RANBP2: variants seen among roughly 807,000 people sequenced by gnomAD.
RANBP2 encodes the protein E3 SUMO-protein ligase RanBP2.
A neutral mutation model predicts 303.6 loss-of-function variants in RANBP2; 57 were observed. The ratio of observed to expected loss-of-function variants is 0.19; its 90% CI spans 0.15 to 0.23. The LOEUF (loss-of-function observed/expected upper bound fraction) is 0.23, where lower values mean the gene tolerates loss of function less well. Among genes scored for constraint, RANBP2 ranks in the 10% least tolerant of loss-of-function variants. RANBP2 has a pLI of 1.00. For synonymous variants in RANBP2, 1,167 were observed against 1,301.5 expected (o/e 0.90, Z 2.23); for missense variants, 3,138 against 3,780.8 (o/e 0.83, Z 4.46).
chr2:108,822,248 C>G, the RANBP2 span, among the ~76,000 whole-genome samples: 762 of 152,008 alleles, frequency 5.0e-3, 4 homozygotes, highest in South Asian at 0.021. Context: ...GTAAATTCAC[C>G]AAGAAGATAT....
chr2:109,358,626 A>G, the RANBP2 span, among the ~76,000 whole-genome samples: 2 of 152,216 alleles, frequency 1.3e-5, no homozygotes, highest in South Asian at 2.1e-4. Flanking sequence ...TCACCATTCA[A>G]TCAGACTGTT....
chr2:109,380,769 C>A, the RANBP2 span, among the ~76,000 whole-genome samples: 1 of 152,288 alleles, frequency 6.6e-6, no homozygotes, highest in East Asian at 1.9e-4. Context: ...GCCAGGCAAT[C>A]CCTGCCCACC....
chr2:109,003,901 A>C, the RANBP2 span, among the ~76,000 whole-genome samples: 2 of 152,144 alleles, frequency 1.3e-5, no homozygotes, highest in Non-Finnish European at 2.9e-5. Flanking sequence ...GTTTGCCTGC[A>C]CTGGAATGGT....
the RANBP2 span, among the ~76,000 whole-genome samples, chr2:109,696,005 C>T: frequency 6.6e-6 from 1 of 151,950 alleles, no homozygotes; most frequent in South Asian, 2.1e-4. Context: ...ACTCTATTGC[C>T]CAGGCCACAG....
chr2:109,755,196 GGT>G, the RANBP2 span, among the ~76,000 whole-genome samples: 172 of 115,638 alleles, frequency 1.5e-3, 11 homozygotes, highest in Admixed American at 2.2e-3. Flanking sequence ...GGCACACCTT[GGT>G]GGGGGGGGGC....
At chr2:109,592,942 A>G in the RANBP2 span, 1 of 604,102 alleles carries the variant, frequency 1.7e-6, no homozygotes, top group African/African-American at 1.9e-5. Flanking sequence ...GGAGGTAAGT[A>G]CAAACAGAAG....
the RANBP2 span, among the ~76,000 whole-genome samples, chr2:109,738,540 G>A: frequency 1.3e-5 from 2 of 151,744 alleles, no homozygotes; most frequent in Non-Finnish European, 2.9e-5. Flanking sequence ...GGCTGGTCTC[G>A]AACTCCCAAC....
the RANBP2 span, among the ~76,000 whole-genome samples, chr2:109,679,096 A>C: frequency 6.6e-5 from 10 of 152,208 alleles, no homozygotes; most frequent in Admixed American, 5.9e-4. Flanking sequence ...GCCTTCCTGC[A>C]CTTACGAACA....
At chr2:109,012,632 C>T in the RANBP2 span, among the ~76,000 whole-genome samples, 3 of 152,086 alleles carry the variant, frequency 2.0e-5, no homozygotes, top group East Asian at 3.9e-4. Flanking sequence ...AAACTTCATT[C>T]GGCCAGGCGC....
chr2:109,276,359 C>G, the RANBP2 span, among the ~76,000 whole-genome samples: 1 of 152,020 alleles, frequency 6.6e-6, no homozygotes, highest in Non-Finnish European at 1.5e-5. Context: ...AATATGTGTC[C>G]CGTAGTAGAT....
At chr2:109,508,628 CA>C in the RANBP2 span, among the ~76,000 whole-genome samples, 184 of 142,026 alleles carry the variant, frequency 1.3e-3, no homozygotes, top group Middle Eastern at 3.6e-3. Flanking sequence ...TGTAATGTTC[CA>C]AAAAAAAAAA....
chr2:108,797,909 A>G, the RANBP2 span, among the ~76,000 whole-genome samples: 3 of 151,808 alleles, frequency 2.0e-5, no homozygotes, highest in Non-Finnish European at 4.4e-5. Flanking sequence ...TTGAGAATCT[A>G]GTACAGGATT....
chr2:108,764,459 C>T lies in RANBP2; in HGVS notation c.3920C>T (p.Ala1307Val), dbSNP rs780260112. The stretch of plus-strand genomic sequence containing the variant: ...GAAGAAGCCCAGAGCATTTTAAAAG[C>T]CCCAGGAACAAATGTAGCCATGGCG... ...KFEEAQSILK[A>V]PGTNVAMASN... The change falls in exon 20 of 29, where the codon GCC becomes GTC. Residue 1307 changes from alanine to valine, a missense_variant. Ala to Val is a moderately conservative substitution (Grantham distance 64, BLOSUM62 0). Coordinates refer to ENST00000283195, the MANE Select transcript of RANBP2 (RefSeq NM_006267.5). 17 of 1,613,770 alleles carry T rather than the reference C, an allele frequency of 1.1e-5. No individual in the cohort carries two copies. In the Admixed American group the frequency reaches 2.5e-4, roughly 24 times the overall value.
the RANBP2 span, chr2:109,129,262 C>T: frequency 3.4e-6 from 2 of 596,220 alleles, no homozygotes; most frequent in Non-Finnish European, 5.9e-6. Context: ...GCGGGGCGGA[C>T]TTGCGGCGGG....
chr2:109,385,053 C>T, the RANBP2 span, among the ~76,000 whole-genome samples: 33 of 152,228 alleles, frequency 2.2e-4, no homozygotes, highest in East Asian at 1.9e-4. Flanking sequence ...ATCGTTGTCC[C>T]GGCATGCTGG....
the RANBP2 span, among the ~76,000 whole-genome samples, chr2:109,603,754 TTGA>T: frequency 6.6e-6 from 1 of 152,090 alleles, no homozygotes; most frequent in Non-Finnish European, 1.5e-5. Flanking sequence ...GAGCAGAGAC[TTGA>T]TGAAGAAACA....
chr2:108,972,112 C>T, the RANBP2 span, among the ~76,000 whole-genome samples: 2 of 152,244 alleles, frequency 1.3e-5, no homozygotes, highest in African/African-American at 4.8e-5. Context: ...AACCACCCAG[C>T]GGAGCCGCTC....
chr2:108,987,755 G>A, the RANBP2 span, among the ~76,000 whole-genome samples: 8 of 152,206 alleles, frequency 5.3e-5, no homozygotes, highest in African/African-American at 1.2e-4. Flanking sequence ...TTTCCCAGCC[G>A]TGAAGGGTAC....
At chr2:108,769,905 C>T (rs1677378714) in intron 20 of RANBP2, among the ~76,000 whole-genome samples, 1 of 151,860 alleles carries the variant, frequency 6.6e-6, no homozygotes, top group South Asian at 2.1e-4. Flanking sequence ...TGACCAGTAA[C>T]ACATCTTAGC....
Sources: allele counts gnomAD v4.1 joint callset (sites outside exome capture counted in the v4.1 genomes callset), GRCh38; gene constraint gnomAD v4.1.1; transcripts MANE v1.5; gene names NCBI Gene and HGNC (gene_info 2026-07-23, HGNC 2026-07-21).